The following MAP3K15 variants were observed in gnomAD, a reference collection of about 807,000 sequenced individuals.
MAP3K15 encodes MAPK/ERK kinase kinase 15.
A neutral mutation model predicts 99.5 loss-of-function variants in MAP3K15; 124 were observed. That is an observed-to-expected ratio of 1.25 (90% CI 1.08 to 1.45). MAP3K15 has a LOEUF of 1.45. MAP3K15 is among the 40% of genes most tolerant of loss of function. The pLI, the probability that MAP3K15 is intolerant of heterozygous loss-of-function variation, is 0.00. For synonymous variants in MAP3K15, 494 were observed against 439.6 expected (o/e 1.12, Z -1.55); for missense variants, 1,242 against 1,079.7 (o/e 1.15, Z -2.11).
chrX:19,464,546 T>C (rs1352132409), intron 3 of MAP3K15, 140 bp from the exon 4 acceptor site: 1 of 457,447 alleles, frequency 2.2e-6, no homozygotes, highest in Non-Finnish European at 3.6e-6. Context: ...ATGGATCTAT[T>C]AGGCACAAAA....
At chrX:19,439,360 ACGGCC>A (rs1358634285) in intron 6 of MAP3K15, among the ~76,000 whole-genome samples, 7 of 112,040 alleles carry the variant, frequency 6.2e-5, no homozygotes, top group Non-Finnish European at 1.3e-4. Context: ...CAATATGAGA[ACGGCC>A]TAACACAGGG....
chrX:19,361,567 A>C lies in MAP3K15; in HGVS notation c.3706T>G (p.Tyr1236Asp). The C allele has an allele frequency of 8.3e-7, 1 of 1,210,253 alleles. No homozygotes were observed. The highest frequency in any genetic ancestry group is 2.3e-4 in the Middle Eastern group (1 of 4,349). Residue 1236 changes from tyrosine (Y) to aspartate (D), a missense_variant, in exon 27 of 29, where the codon TAC (tyrosine) becomes GAC (aspartate). Coordinates refer to ENST00000338883, the MANE Select transcript of MAP3K15 (RefSeq NM_001001671.4). Reference protein sequence around the residue: ...NCITENPAGPYGQRTDKELID... With the variant: ...NCITENPAGPDGQRTDKELID... Reference sequence around the variant, plus strand: ...AGCTCTTTATCTGTTCTCTGCCCGTAGGGGCCTGCTGGGTTCTCTGTAATA... The same window carrying C: ...AGCTCTTTATCTGTTCTCTGCCCGTCGGGGCCTGCTGGGTTCTCTGTAATA...
chrX:19,505,746 TC>T (rs1778614861), intron 1 of MAP3K15, among the ~76,000 whole-genome samples: 1 of 107,971 alleles, frequency 9.3e-6, no homozygotes, highest in Non-Finnish European at 1.9e-5. Flanking sequence ...AAATCTCTTT[TC>T]TTTTTTTTTT....
At chrX:19,471,903 A>G (rs2064209838) in intron 3 of MAP3K15, among the ~76,000 whole-genome samples, 2 of 112,086 alleles carry the variant, frequency 1.8e-5, no homozygotes, top group Admixed American at 1.9e-4. Flanking sequence ...AAAAGCTGAG[A>G]TAATGCTAGC....
chrX:19,458,816 T>C (rs990222487), intron 5 of MAP3K15, among the ~76,000 whole-genome samples: 2 of 112,384 alleles, frequency 1.8e-5, no homozygotes, highest in Admixed American at 9.5e-5. Flanking sequence ...CCTCCATCAC[T>C]TCAATTTAAA....
chrX:19,399,759 A>C (rs976472739), intron 14 of MAP3K15, among the ~76,000 whole-genome samples: 2 of 100,388 alleles, frequency 2.0e-5, no homozygotes, highest in African/African-American at 3.9e-5. Context: ...AAAAAAAAAA[A>C]AAAAAAACAT....
rs1442449544 is a variant in MAP3K15, at chrX:19,427,747, T to C, written c.1167-1404A>G. Among the ~76,000 whole-genome samples, 14 of 111,602 alleles carry C rather than the reference T, an allele frequency of 1.3e-4. 1 individual carries two copies. The highest frequency in any genetic ancestry group is 3.8e-5 in the Non-Finnish European group (2 of 53,127). ...CAAAGACTTGCTAGTAGTAATTTTG[T>C]CACTTATGTGATGGCAAGAGAATTC... is the stretch of plus-strand genomic sequence containing the variant. On this transcript the variant is annotated intron_variant, in intron 7 of 28. Transcript: ENST00000338883.
chrX:19,364,800 G>A (rs1442816984), intron 25 of MAP3K15, among the ~76,000 whole-genome samples: 1 of 108,050 alleles, frequency 9.3e-6, no homozygotes. Flanking sequence ...GGCTGAGGCA[G>A]GAGAATCGCT....
intron 3 of MAP3K15, among the ~76,000 whole-genome samples, chrX:19,481,081 AC>A (rs2064286128): frequency 1.1e-5 from 1 of 92,146 alleles, no homozygotes; most frequent in Non-Finnish European, 2.0e-5. Context: ...GCACCACTGC[AC>A]TCCAGCCTGG....
At chrX:19,425,482 C>T in intron 9 of MAP3K15, 49 bp downstream of exon 9, 1 of 1,113,417 alleles carries the variant, frequency 9.0e-7, no homozygotes, top group Non-Finnish European at 1.2e-6. Flanking sequence ...CATTTCAGAA[C>T]AAGATCATGT....
intron 1 of MAP3K15, among the ~76,000 whole-genome samples, chrX:19,502,209 G>A (rs2064445218): frequency 9.2e-6 from 1 of 109,098 alleles, no homozygotes; most frequent in Admixed American, 9.8e-5. Flanking sequence ...GTATTGATCA[G>A]AGGAAGACTA....
Position 19,362,844 on chromosome X carries a change from CA to C in MAP3K15, c.3572del (p.Leu1191TrpfsTer4), listed in dbSNP as rs868296960. 20 of 1,002,322 alleles carry C rather than the reference CA, an allele frequency of 2.0e-5. No homozygotes were observed. The highest frequency in any genetic ancestry group is 2.7e-5 in the Non-Finnish European group (20 of 738,821). The allele number at this position is 1,002,322 out of a possible 1,213,427, so 82.6% of individuals were successfully genotyped here. On this transcript the variant is annotated frameshift_variant, in exon 26 of 29. Transcript: ENST00000338883. LOFTEE classifies it high-confidence loss of function. The part of the protein sequence containing the change: ...GELRQETNRL[L>X]EHLVEKEREY... ...CTCTCTCTTTTTCAACTAGGTGTTC[CA>C]AAAGTCTGGTTTAAAAAAAAAAAAA... is the stretch of plus-strand genomic sequence containing the variant.
intron 3 of MAP3K15, among the ~76,000 whole-genome samples, chrX:19,465,328 A>C (rs1010708178): frequency 1.8e-5 from 2 of 111,910 alleles, no homozygotes; most frequent in Non-Finnish European, 3.8e-5. Context: ...TCTTAGACAA[A>C]GCTTCTGATA....
At chrX:19,368,927 T>G (rs1405387838) in intron 25 of MAP3K15, 127 bp downstream of exon 25, 23 of 696,392 alleles carry the variant, frequency 3.3e-5, no homozygotes, top group Non-Finnish European at 4.1e-5. Flanking sequence ...AGTTCGTGGA[T>G]GATGAAGCTG....
chrX:19,493,747 C>CTA (rs1177530588), intron 1 of MAP3K15, among the ~76,000 whole-genome samples: 1 of 111,234 alleles, frequency 9.0e-6, no homozygotes, highest in Non-Finnish European at 1.9e-5. Flanking sequence ...ACTGGCTTCA[C>CTA]TAAGCAGGTA....
chrX:19,369,045 GCTC>G lies in MAP3K15; in HGVS notation c.3566+6_3566+8del. On this transcript the variant is annotated splice_donor_region_variant and intron_variant, in intron 25 of 28. Coordinates refer to ENST00000338883, the MANE Select transcript of MAP3K15 (RefSeq NM_001001671.4). ...CCTGCTCCCAGAGGAGGGCCCAGAAGCTCCTCACCTGTTGGTCTCCTGTCTGAG... is the reference window on the plus strand; with the variant it reads ...CCTGCTCCCAGAGGAGGGCCCAGAAGCTCACCTGTTGGTCTCCTGTCTGAG... 3 of 1,180,816 alleles carry G rather than the reference GCTC, an allele frequency of 2.5e-6. No homozygotes were observed. Among genetic ancestry groups the G allele is most frequent in the Non-Finnish European group, 3.4e-6 (3 of 881,017 alleles).
At chrX:19,400,871 T>C (rs760294480) in intron 13 of MAP3K15, among the ~76,000 whole-genome samples, 48 of 111,860 alleles carry the variant, frequency 4.3e-4, no homozygotes, top group African/African-American at 1.6e-3. Flanking sequence ...CCCCTCTGTA[T>C]AGTATCTCCA....
chrX:19,436,047 G>C (rs1430168014), intron 6 of MAP3K15, among the ~76,000 whole-genome samples: 1 of 110,177 alleles, frequency 9.1e-6, no homozygotes, highest in Non-Finnish European at 1.9e-5. Flanking sequence ...CCAGCTACTC[G>C]GGAGGCTGAG....
At chrX:19,511,968 C>T (rs1359345310) in intron 1 of MAP3K15, among the ~76,000 whole-genome samples, 1 of 112,009 alleles carries the variant, frequency 8.9e-6, no homozygotes, top group Admixed American at 9.5e-5. Context: ...CACATATACA[C>T]AATGGAATAC....
Sources: gnomAD v4.1 joint callset for allele counts (sites outside exome capture counted in the v4.1 genomes callset) on GRCh38, gnomAD v4.1.1 for gene constraint, MANE v1.5 for transcripts, NCBI Gene and HGNC (gene_info 2026-07-23, HGNC 2026-07-21) for gene names.